The following NELL1 variants were observed in gnomAD, a reference collection of about 807,000 sequenced individuals.
NELL1 encodes the protein neural EGFL like 1, also known as protein kinase C-binding protein NELL1.
NELL1 carries 76 observed loss-of-function variants against 107.4 expected under a neutral mutation model. The ratio of observed to expected loss-of-function variants is 0.71; its 90% CI spans 0.59 to 0.86. The LOEUF is 0.86. Among genes scored for constraint, NELL1 ranks in the 40% least tolerant of loss-of-function variants. The pLI, the probability that NELL1 is intolerant of heterozygous loss-of-function variation, is 0.00. For synonymous variants in NELL1, 353 were observed against 341.2 expected (o/e 1.03, Z -0.38); for missense variants, 1,024 against 1,005.5 (o/e 1.02, Z -0.25).
intron 2 of NELL1, among the ~76,000 whole-genome samples, chr11:20,768,301 G>A (rs544914248): frequency 8.8e-4 from 134 of 152,324 alleles, no homozygotes; most frequent in Middle Eastern, 3.4e-3. Flanking sequence ...GTGCTCCGAA[G>A]CCCTTGTTCT....
At chr11:21,569,215 A>G (rs1016432729) in intron 17 of NELL1, among the ~76,000 whole-genome samples, 4 of 52,780 alleles carry the variant, frequency 7.6e-5, no homozygotes, top group Non-Finnish European at 1.9e-4. Flanking sequence ...GACTTTATTG[A>G]AAAAAAAGCC....
At chr11:21,022,019 T>C (rs1852713183) in intron 12 of NELL1, among the ~76,000 whole-genome samples, 1 of 152,080 alleles carries the variant, frequency 6.6e-6, no homozygotes, top group African/African-American at 2.4e-5. Context: ...TCCCACTAGA[T>C]GCCAGTCACA....
chr11:20,683,462 CT>C (rs1248749545), intron 2 of NELL1, among the ~76,000 whole-genome samples: 1 of 152,004 alleles, frequency 6.6e-6, no homozygotes, highest in African/African-American at 2.4e-5. Flanking sequence ...CACAAACTCC[CT>C]CCCACTCTCC....
chr11:21,473,443 G>A (rs1293906769), intron 15 of NELL1, among the ~76,000 whole-genome samples: 2 of 151,982 alleles, frequency 1.3e-5, no homozygotes, highest in African/African-American at 4.8e-5. Context: ...ACACAAAAAT[G>A]TCATTCTTAT....
chr11:20,991,078 G>A (rs771775796), intron 12 of NELL1, among the ~76,000 whole-genome samples: 1 of 152,172 alleles, frequency 6.6e-6, no homozygotes, highest in Non-Finnish European at 1.5e-5. Context: ...CTAGGATGGG[G>A]ATTATCCTAA....
chr11:20,963,679 A>T (rs1411224466), intron 12 of NELL1, among the ~76,000 whole-genome samples: 3 of 152,110 alleles, frequency 2.0e-5, no homozygotes, highest in Admixed American at 6.6e-5. Flanking sequence ...AGACTCTCTG[A>T]GGCTTCATTC....
At chr11:21,188,736 G>T (rs1278344501) in intron 13 of NELL1, among the ~76,000 whole-genome samples, 1 of 151,856 alleles carries the variant, frequency 6.6e-6, no homozygotes, top group Non-Finnish European at 1.5e-5. Flanking sequence ...TACCTGCTCT[G>T]AAGTGTCTGG....
chr11:21,002,294 C>T (rs117569269), intron 12 of NELL1, among the ~76,000 whole-genome samples: 1 of 151,206 alleles, frequency 6.6e-6, no homozygotes, highest in Non-Finnish European at 1.5e-5. Flanking sequence ...TATATTATAA[C>T]AGTTACCTAC....
At chr11:21,408,594 A>G (rs1222579746) in intron 15 of NELL1, among the ~76,000 whole-genome samples, 1 of 152,026 alleles carries the variant, frequency 6.6e-6, no homozygotes, top group South Asian at 2.1e-4. Context: ...TAGGTTGCGA[A>G]AATTTTCTCC....
intron 15 of NELL1, among the ~76,000 whole-genome samples, chr11:21,473,231 G>A (rs973685049): frequency 6.6e-6 from 1 of 151,948 alleles, no homozygotes; most frequent in African/African-American, 2.4e-5. Context: ...AGAATGCAGA[G>A]GCAAATAAAG....
At chr11:21,214,068 A>G (rs1482703987) in intron 13 of NELL1, among the ~76,000 whole-genome samples, 2 of 152,180 alleles carry the variant, frequency 1.3e-5, no homozygotes, top group Non-Finnish European at 2.9e-5. Context: ...GGCAAATCCC[A>G]TATCCAATAA....
chr11:20,805,795 C>G (rs1857370516), intron 3 of NELL1, among the ~76,000 whole-genome samples: 1 of 152,234 alleles, frequency 6.6e-6, no homozygotes, highest in South Asian at 2.1e-4. Context: ...AGCCACCGTG[C>G]CTGGCCAACG....
intron 15 of NELL1, among the ~76,000 whole-genome samples, chr11:21,404,890 T>A (rs1981409): frequency 0.58 from 88,353 of 151,836 alleles, 26,419 homozygotes; most frequent in East Asian, 0.92. Context: ...GTGTTTTTAA[T>A]TTCTGCTTCT....
At chr11:20,848,103 T>C (rs1170295305) in intron 4 of NELL1, among the ~76,000 whole-genome samples, 1 of 152,148 alleles carries the variant, frequency 6.6e-6, no homozygotes, top group Non-Finnish European at 1.5e-5. Flanking sequence ...TTGAGTTCGT[T>C]CCACTGGGAA....
intron 12 of NELL1, among the ~76,000 whole-genome samples, chr11:21,063,132 G>A (rs545492816): frequency 1.1e-4 from 17 of 152,220 alleles, no homozygotes; most frequent in African/African-American, 3.6e-4. Flanking sequence ...ACAAATGTGA[G>A]CCACTGGGCC....
intron 12 of NELL1, among the ~76,000 whole-genome samples, chr11:20,997,210 T>C (rs1354467582): frequency 6.6e-6 from 1 of 152,180 alleles, no homozygotes; most frequent in Non-Finnish European, 1.5e-5. Flanking sequence ...TCAATGACTA[T>C]TGAAAGGTGG....
intron 4 of NELL1, among the ~76,000 whole-genome samples, chr11:20,872,018 C>CA (rs1160968611): frequency 0.039 from 1,617 of 41,500 alleles, 178 homozygotes; most frequent in African/African-American, 0.12. Context: ...GACTCCGTCT[C>CA]AAAAAAAAAA....
At chr11:21,226,381 T>A (rs992831074) in intron 13 of NELL1, among the ~76,000 whole-genome samples, 1 of 152,192 alleles carries the variant, frequency 6.6e-6, no homozygotes, top group Non-Finnish European at 1.5e-5. Flanking sequence ...AACTTGCAAC[T>A]GCTCAGTAGT....
intron 2 of NELL1, among the ~76,000 whole-genome samples, chr11:20,772,135 G>A (rs949086909): frequency 2.0e-5 from 3 of 152,126 alleles, no homozygotes; most frequent in African/African-American, 7.2e-5. Flanking sequence ...TGAGAATTAG[G>A]ACCGTGCACA....
Sources: allele counts gnomAD v4.1 joint callset (sites outside exome capture counted in the v4.1 genomes callset), GRCh38; gene constraint gnomAD v4.1.1; transcripts MANE v1.5; gene names NCBI Gene and HGNC (gene_info 2026-07-23, HGNC 2026-07-21).